The following NRXN1 variants were observed in gnomAD, a reference collection of about 807,000 sequenced individuals.
The protein encoded by NRXN1 is neurexin-1.
Under a neutral mutation model 150.9 loss-of-function variants are expected in NRXN1, and 39 were observed. The ratio of observed to expected loss-of-function variants is 0.26; its 90% confidence interval spans 0.20 to 0.34. NRXN1 has a LOEUF of 0.34. NRXN1 is among the 10% of genes least tolerant of loss of function. NRXN1 has a pLI of 1.00. For missense variants in NRXN1, 1,815 were observed against 1,949.9 expected (o/e 0.93, Z 1.30); for synonymous variants, 924 against 757.0 (o/e 1.22, Z -3.62).
chr2:50,479,323 T>A (rs537491534), intron 15 of NRXN1, among the ~76,000 whole-genome samples: 1 of 152,168 alleles, frequency 6.6e-6, no homozygotes, highest in African/African-American at 2.4e-5. Flanking sequence ...CCTCTTCTGA[T>A]GTTGTTCTTC....
intron 21 of NRXN1, among the ~76,000 whole-genome samples, chr2:50,038,201 C>T (rs763812487): frequency 3.3e-5 from 5 of 152,176 alleles, no homozygotes; most frequent in Non-Finnish European, 7.3e-5. Context: ...TACTCTGTGA[C>T]ATTGTGGTGG....
chr2:50,471,453 A>G (rs542768888), intron 16 of NRXN1, among the ~76,000 whole-genome samples: 4 of 151,986 alleles, frequency 2.6e-5, no homozygotes, highest in African/African-American at 9.6e-5. Context: ...TTCTATGGCT[A>G]AGTAGTATTC....
rs147049542 is a variant in NRXN1, at chr2:50,102,794, G to C, written c.3547-11300C>G. Among the ~76,000 whole-genome samples the C allele has an allele frequency of 2.0e-5, 3 of 152,140 alleles. No homozygotes were observed. The East Asian group carries it at 5.8e-4, about 29-fold the overall frequency. On this transcript the variant is annotated intron_variant, in intron 18 of 22. Coordinates refer to ENST00000401669, the MANE Select transcript of NRXN1 (RefSeq NM_001330078.2). ...CCCAGGGAGGGATTGTACAAAGACA[G>C]ATCCTTTTATGAACAAATGCAGACA...
At chr2:50,488,852 T>C (rs529570680) in intron 15 of NRXN1, among the ~76,000 whole-genome samples, 1 of 152,272 alleles carries the variant, frequency 6.6e-6, no homozygotes, top group Non-Finnish European at 1.5e-5. Flanking sequence ...AACAAGAAGC[T>C]CGAATTCTAA....
chr2:50,572,180 C>T (rs1286572566), intron 8 of NRXN1, among the ~76,000 whole-genome samples: 1 of 152,140 alleles, frequency 6.6e-6, no homozygotes. Context: ...AGCCTGAAGG[C>T]AACCACAAAA....
chr2:50,110,846 T>C (rs1200473804), intron 18 of NRXN1, among the ~76,000 whole-genome samples: 1 of 152,200 alleles, frequency 6.6e-6, no homozygotes, highest in Non-Finnish European at 1.5e-5. Flanking sequence ...ATAAAATTTT[T>C]CTATTGTTCC....
intron 17 of NRXN1, among the ~76,000 whole-genome samples, chr2:50,354,800 T>C (rs144328226): frequency 7.4e-4 from 113 of 151,922 alleles, no homozygotes; most frequent in East Asian, 1.4e-3. Context: ...AGGCCTCCAG[T>C]CCAACCAGCA....
intron 5 of NRXN1, among the ~76,000 whole-genome samples, chr2:50,693,145 C>T (rs1426657281): frequency 3.3e-5 from 5 of 152,084 alleles, no homozygotes; most frequent in Non-Finnish European, 4.4e-5. Flanking sequence ...CAAGGTTTTT[C>T]GTATCACAAG....
chr2:50,572,648 C>T (rs894650542), intron 8 of NRXN1, among the ~76,000 whole-genome samples: 1 of 152,180 alleles, frequency 6.6e-6, no homozygotes, highest in Non-Finnish European at 1.5e-5. Flanking sequence ...AGCTGCACAG[C>T]TAGTAATAAC....
At chr2:49,985,768 A>G (rs1680803152) in intron 21 of NRXN1, among the ~76,000 whole-genome samples, 1 of 152,214 alleles carries the variant, frequency 6.6e-6, no homozygotes, top group Non-Finnish European at 1.5e-5. Context: ...CATGCAAATG[A>G]GTGAGAATGA....
At chr2:50,466,359 C>A in intron 16 of NRXN1, 1 of 347,580 alleles carries the variant, frequency 2.9e-6, no homozygotes, top group Non-Finnish European at 5.7e-6. Context: ...GAAATCTGAA[C>A]CCAAATAACA....
At chr2:50,751,064 T>TA (rs780896359) in intron 5 of NRXN1, among the ~76,000 whole-genome samples, 1 of 151,930 alleles carries the variant, frequency 6.6e-6, no homozygotes, top group Non-Finnish European at 1.5e-5. Context: ...GTGGCACAGG[T>TA]AGTACCTAAA....
chr2:50,168,162 A>G (rs977041008), intron 18 of NRXN1, among the ~76,000 whole-genome samples: 2 of 152,172 alleles, frequency 1.3e-5, no homozygotes, highest in African/African-American at 2.4e-5. Flanking sequence ...GATGGCAGGC[A>G]GTGACCCAGG....
At chr2:50,671,937 T>C (rs895744081) in intron 5 of NRXN1, among the ~76,000 whole-genome samples, 14 of 152,026 alleles carry the variant, frequency 9.2e-5, no homozygotes, top group African/African-American at 3.1e-4. Context: ...TTTCTGTATC[T>C]TCTATTGTCA....
chr2:50,114,015 G>C (rs1046712609), intron 18 of NRXN1, among the ~76,000 whole-genome samples: 63 of 152,120 alleles, frequency 4.1e-4, no homozygotes, highest in African/African-American at 1.4e-3. Context: ...ATACACACCA[G>C]TGAAAAGTAA....
At chr2:50,830,761 A>G (rs1447623901) in intron 5 of NRXN1, among the ~76,000 whole-genome samples, 1 of 150,868 alleles carries the variant, frequency 6.6e-6, no homozygotes, top group Non-Finnish European at 1.5e-5. Flanking sequence ...TTCTTTTAAA[A>G]TTAAATTAAT....
At chr2:50,954,774 T>C (rs1691993547) in intron 2 of NRXN1, among the ~76,000 whole-genome samples, 1 of 152,180 alleles carries the variant, frequency 6.6e-6, no homozygotes, top group Non-Finnish European at 1.5e-5. Flanking sequence ...AATTAGGTAC[T>C]CAACAGGAGC....
intron 5 of NRXN1, among the ~76,000 whole-genome samples, chr2:50,865,874 A>T (rs542995159): frequency 1.3e-5 from 2 of 151,102 alleles, no homozygotes; most frequent in South Asian, 4.2e-4. Context: ...TGAGAAGGGG[A>T]TCTTACAGAA....
intron 5 of NRXN1, among the ~76,000 whole-genome samples, chr2:50,692,126 T>C (rs1692173480): frequency 6.6e-6 from 1 of 152,128 alleles, no homozygotes; most frequent in Admixed American, 6.6e-5. Flanking sequence ...CCTTCTTTTA[T>C]TTTCCAAGTA....
Sources: gnomAD v4.1 joint callset for allele counts (sites outside exome capture counted in the v4.1 genomes callset) on GRCh38, gnomAD v4.1.1 for gene constraint, MANE v1.5 for transcripts, NCBI Gene and HGNC (gene_info 2026-07-23, HGNC 2026-07-21) for gene names.